PLXNA4: variants seen among roughly 807,000 people sequenced by gnomAD.
The protein encoded by PLXNA4 is plexin-A4.
A neutral mutation model predicts 191.8 loss-of-function variants in PLXNA4; 44 were observed. That is an observed-to-expected ratio of 0.23 (90% CI 0.18 to 0.29). The LOEUF (loss-of-function observed/expected upper bound fraction) is 0.29, where lower values mean the gene tolerates loss of function less well. PLXNA4 is among the 10% of genes least tolerant of loss of function. The pLI is 1.00. For missense variants in PLXNA4, 1,800 were observed against 2,488.8 expected, an observed-to-expected ratio of 0.72 and a Z score of 5.89; for synonymous variants, 1,082 against 1,009.5, an observed-to-expected ratio of 1.07 and a Z score of -1.36.
chr7:132,594,210 C>A (rs374625786), intron 2 of PLXNA4, among the ~76,000 whole-genome samples: 4 of 152,230 alleles, frequency 2.6e-5, no homozygotes, highest in African/African-American at 9.6e-5. Context: ...CCTAATCCAA[C>A]ATGACCGGTG....
chr7:132,457,037 G>C (rs1796339806), intron 3 of PLXNA4, among the ~76,000 whole-genome samples: 1 of 152,152 alleles, frequency 6.6e-6, no homozygotes, highest in Non-Finnish European at 1.5e-5. Context: ...ACCTAAGTGA[G>C]TACCTGTATT....
rs200924498 is a variant in PLXNA4 at position 132,521,827 on chromosome 7, TAA to T, written c.-86-13050_-86-13049del. On this transcript the variant is annotated intron_variant, in intron 1 of 31. Transcript: ENST00000321063. ...TACCTCTGAAATCAACACCAGGTCC[TAA>T]CTTGCCAGGGCTGCTGACATAACAG... 6.7e-3 allele frequency among the ~76,000 whole-genome samples: 1,013 copies of T among 152,320 alleles called. 13 individuals carry two copies. Among genetic ancestry groups the T allele is most frequent in the African/African-American group, 0.023 (963 of 41,574 alleles).
chr7:132,149,132 A>C (rs941615912), intron 25 of PLXNA4, among the ~76,000 whole-genome samples: 1 of 152,120 alleles, frequency 6.6e-6, no homozygotes, highest in African/African-American at 2.4e-5. Flanking sequence ...ACAGGGTGAA[A>C]CTGGCAGGTG....
intron 24 of PLXNA4, among the ~76,000 whole-genome samples, chr7:132,163,044 C>T (rs1164197129): frequency 6.6e-6 from 1 of 152,214 alleles, no homozygotes; most frequent in African/African-American, 2.4e-5. Flanking sequence ...GTCTGTTCCC[C>T]GTCCTCCTCG....
At chr7:132,168,672 A>G (rs1048612748) in intron 21 of PLXNA4, 100 bp from the exon 22 acceptor site, 2 of 1,438,400 alleles carry the variant, frequency 1.4e-6, no homozygotes, top group Non-Finnish European at 1.8e-6. Flanking sequence ...CCTCTCATCC[A>G]CCAATTAAGC....
At chr7:132,273,294 AC>A (rs1260650230) in intron 4 of PLXNA4, among the ~76,000 whole-genome samples, 1 of 151,836 alleles carries the variant, frequency 6.6e-6, no homozygotes, top group Non-Finnish European at 1.5e-5. Context: ...TGGAACTGAA[AC>A]CCTTTAATTC....
Position 132,198,729 on chromosome 7 carries a change from T to C in PLXNA4, c.2587-93A>G, listed in dbSNP as rs1797333941. On this transcript the variant is annotated intron_variant, in intron 12 of 31. Transcript: ENST00000321063. Reference sequence around the variant, plus strand: ...GGAGAGGCTGCTGGCTCTTGTCTCATCTGCCCCAGAGTCCCTGAGTGGCTT... The same window carrying C: ...GGAGAGGCTGCTGGCTCTTGTCTCACCTGCCCCAGAGTCCCTGAGTGGCTT... 7.1e-6 allele frequency: 11 copies of C among 1,542,524 alleles called. No homozygotes were observed. The East Asian group carries it at 2.5e-4, about 35-fold the overall frequency.
intron 2 of PLXNA4, among the ~76,000 whole-genome samples, chr7:132,606,105 A>C (rs1802918920): frequency 6.6e-6 from 1 of 152,212 alleles, no homozygotes; most frequent in Non-Finnish European, 1.5e-5. Context: ...CGGAGGTTGC[A>C]GTGAGCCGAG....
intron 1 of PLXNA4, among the ~76,000 whole-genome samples, chr7:132,555,688 C>T (rs992429599): frequency 6.6e-6 from 1 of 152,146 alleles, no homozygotes; most frequent in African/African-American, 2.4e-5. Flanking sequence ...GCTGAGTAGC[C>T]AAGGCTTGAT....
intron 3 of PLXNA4, among the ~76,000 whole-genome samples, chr7:132,361,471 T>TTTA (rs1803939439): frequency 4.6e-5 from 7 of 152,232 alleles, no homozygotes; most frequent in Admixed American, 2.6e-4. Context: ...AGTTTGAGAA[T>TTTA]GGTCTGTCAG....
chr7:132,199,792 G>A (rs1444198574), intron 12 of PLXNA4, among the ~76,000 whole-genome samples: 1 of 152,218 alleles, frequency 6.6e-6, no homozygotes, highest in African/African-American at 2.4e-5. Context: ...AGCTTCTCCA[G>A]GTGAGACTGC....
rs1554446133 is a variant in PLXNA4 at position 132,128,007 on chromosome 7, A to AAAT, written c.*2469_*2471dup. On this transcript the variant is annotated 3_prime_UTR_variant, in exon 32 of 32. Coordinates refer to ENST00000321063, the MANE Select transcript of PLXNA4 (RefSeq NM_020911.2). The stretch of plus-strand genomic sequence containing the variant: ...TTAACTGTGCAAAAAAAAAAAAAAA[A>AAAT]AATCAAAATGCACTCACTCATACAC... 6.7e-6 allele frequency: 1 copy of AAAT among 149,602 alleles called. No individual in the cohort carries two copies. Among genetic ancestry groups the AAAT allele is most frequent in the African/African-American group, 2.5e-5 (1 of 40,062 alleles). The allele number at this position is 149,602 out of a possible 1,614,324, so 9.3% of individuals were successfully genotyped here. A position where few individuals can be genotyped will look rare whatever the true frequency, so the allele number is the denominator to read the frequency against.
Position 132,417,950 on chromosome 7 carries a change from G to A in PLXNA4, c.1371+71342C>T, listed in dbSNP as rs534965605. 7.2e-5 allele frequency among the ~76,000 whole-genome samples: 11 copies of A among 152,186 alleles called. 1 individual carries two copies. Among genetic ancestry groups the A allele is most frequent in the Admixed American group, 3.9e-4 (6 of 15,296 alleles). Reference sequence around the variant, plus strand: ...TGGTCCTCTAAAGACTCTCTTCTTAGGTCACTTTGGTTTATTTGGACAAAA... The same window carrying A: ...TGGTCCTCTAAAGACTCTCTTCTTAAGTCACTTTGGTTTATTTGGACAAAA... On this transcript the variant is annotated intron_variant, in intron 3 of 31. Coordinates refer to ENST00000321063, the MANE Select transcript of PLXNA4 (RefSeq NM_020911.2).
At chr7:132,256,571 G>T (rs1298943394) in intron 4 of PLXNA4, among the ~76,000 whole-genome samples, 1 of 152,190 alleles carries the variant, frequency 6.6e-6, no homozygotes, top group Non-Finnish European at 1.5e-5. Context: ...GGAATTTGGG[G>T]TCTAGGTTAA....
At chr7:132,231,804 T>C (rs1415140925) in intron 5 of PLXNA4, among the ~76,000 whole-genome samples, 1 of 152,108 alleles carries the variant, frequency 6.6e-6, no homozygotes, top group Non-Finnish European at 1.5e-5. Context: ...GCAGTTTTCC[T>C]CCTAATAAAG....
intron 3 of PLXNA4, among the ~76,000 whole-genome samples, chr7:132,450,817 T>C (rs156938): frequency 0.15 from 22,562 of 152,158 alleles, 2,403 homozygotes; most frequent in East Asian, 0.29. Flanking sequence ...GGGAGCACTC[T>C]GTCCCACTAT....
intron 3 of PLXNA4, among the ~76,000 whole-genome samples, chr7:132,428,736 G>A (rs368370786): frequency 3.3e-5 from 5 of 152,038 alleles, no homozygotes; most frequent in African/African-American, 9.7e-5. Flanking sequence ...CCAGGTCCTC[G>A]CCTACCTCCC....
At chr7:132,471,858 G>A (rs549269874) in intron 3 of PLXNA4, among the ~76,000 whole-genome samples, 7 of 152,136 alleles carry the variant, frequency 4.6e-5, no homozygotes, top group East Asian at 1.9e-4. Context: ...GCAGGGCCAC[G>A]GCCTTTCTTA....
intron 3 of PLXNA4, among the ~76,000 whole-genome samples, chr7:132,359,405 C>T (rs146330561): frequency 3.3e-5 from 5 of 151,770 alleles, no homozygotes; most frequent in African/African-American, 1.2e-4. Context: ...TTAGTAGAGA[C>T]GGAGTTTCAC....
Sources: gnomAD v4.1 joint callset for allele counts (sites outside exome capture counted in the v4.1 genomes callset) on GRCh38, gnomAD v4.1.1 for gene constraint, MANE v1.5 for transcripts, NCBI Gene and HGNC (gene_info 2026-07-23, HGNC 2026-07-21) for gene names.